IFT80: variants seen among roughly 807,000 people sequenced by gnomAD.
IFT80 encodes intraflagellar transport protein 80 homolog.
A neutral mutation model predicts 107.9 loss-of-function variants in IFT80; 79 were observed. The observed-to-expected ratio is 0.73, with a 90% CI of 0.61 to 0.88. The LOEUF is 0.88. Among genes scored for constraint, IFT80 ranks in the 40% least tolerant of loss-of-function variants. IFT80 has a pLI of 0.00. For synonymous variants in IFT80, 299 were observed against 300.9 expected, an observed-to-expected ratio of 0.99 and a Z score of 0.07; for missense variants, 797 against 914.2, an observed-to-expected ratio of 0.87 and a Z score of 1.65.
intron 6 of IFT80, among the ~76,000 whole-genome samples, chr3:160,365,758 G>C (rs1721819350): frequency 6.6e-6 from 1 of 151,986 alleles, no homozygotes; most frequent in African/African-American, 2.4e-5. Flanking sequence ...GTCATGTATA[G>C]GTAAGTGAGT....
At position 160,320,141 on chromosome 3, in the gene IFT80, A is replaced by G. The variant is rs1487709424; in HGVS notation, c.778-202T>C. On this transcript the variant is annotated intron_variant, in intron 8 of 19. Coordinates refer to ENST00000326448, the MANE Select transcript of IFT80 (RefSeq NM_020800.3). ...GAAGTCCACAGTAGAACATCATGCT[A>G]AAACAGTGTATGAAATATCTCAAGA... is the stretch of plus-strand genomic sequence containing the variant. 3 of 542,826 alleles carry G rather than the reference A, an allele frequency of 5.5e-6. No individual in the cohort carries two copies. The African/African-American group carries it at 5.7e-5, about 10-fold the overall frequency. 33.6% of individuals were successfully genotyped at this position (542,826 alleles called of 1,614,324 possible). A position where few individuals can be genotyped will look rare whatever the true frequency, so the allele number is the denominator to read the frequency against.
chr3:160,268,305 G>A, intron 19 of IFT80, 108 bp downstream of exon 19: 1 of 978,920 alleles, frequency 1.0e-6, no homozygotes, highest in Non-Finnish European at 1.6e-6. Context: ...TTCTTTTAGA[G>A]GTTAAAAGAT....
chr3:160,340,714 C>T (rs982797655), intron 8 of IFT80, among the ~76,000 whole-genome samples: 1 of 152,176 alleles, frequency 6.6e-6, no homozygotes. Context: ...AGGAAAAGTT[C>T]TCTGCTTTTA....
chr3:160,356,799 G>C (rs1299105256), intron 7 of IFT80, among the ~76,000 whole-genome samples: 2 of 152,114 alleles, frequency 1.3e-5, no homozygotes, highest in East Asian at 3.9e-4. Context: ...GGGGTTATAG[G>C]TATGAGCTAC....
chr3:160,282,851 T>C (rs1452756779), intron 13 of IFT80, among the ~76,000 whole-genome samples: 1 of 152,140 alleles, frequency 6.6e-6, no homozygotes, highest in South Asian at 2.1e-4. Flanking sequence ...TACAATAAAA[T>C]AATATGTATT....
rs868549131 is a variant in IFT80 at position 160,271,018 on chromosome 3, T to C, written c.2100-2482A>G. 6.0e-5 allele frequency among the ~76,000 whole-genome samples: 9 copies of C among 150,118 alleles called. No individual in the cohort carries two copies. In the South Asian group the frequency reaches 1.2e-3, roughly 21 times the overall value. Reference sequence around the variant, plus strand: ...TTAATTATGTAGAAAGAATAGAATATGATGTCTAATCCTGCATTTAGATGC... The same window carrying C: ...TTAATTATGTAGAAAGAATAGAATACGATGTCTAATCCTGCATTTAGATGC... On this transcript the variant is annotated intron_variant, in intron 18 of 19. Coordinates refer to ENST00000326448, the MANE Select transcript of IFT80 (RefSeq NM_020800.3).
At chr3:160,300,814 A>T in intron 12 of IFT80, 69 bp downstream of exon 12, 2 of 1,228,540 alleles carry the variant, frequency 1.6e-6, no homozygotes, top group East Asian at 2.4e-5. Context: ...AATGTAAGTT[A>T]ATTTGTGAAA....
chr3:160,341,380 T>C (rs1171673691), intron 8 of IFT80, among the ~76,000 whole-genome samples: 4 of 151,894 alleles, frequency 2.6e-5, no homozygotes, highest in African/African-American at 9.7e-5. Context: ...TTTGACCATG[T>C]GACCATGTTG....
At chr3:160,336,245 T>C (rs1719453311) in intron 8 of IFT80, among the ~76,000 whole-genome samples, 2 of 152,218 alleles carry the variant, frequency 1.3e-5, no homozygotes, top group South Asian at 4.1e-4. Context: ...GAGGGGTTAC[T>C]TTCTACTGGG....
intron 9 of IFT80, among the ~76,000 whole-genome samples, chr3:160,310,241 G>A (rs1717146006): frequency 6.6e-6 from 1 of 152,182 alleles, no homozygotes. Context: ...AAGCAACGAA[G>A]CTATTGAAAT....
intron 10 of IFT80, among the ~76,000 whole-genome samples, chr3:160,304,525 T>C (rs1716691194): frequency 6.6e-6 from 1 of 151,666 alleles, no homozygotes. Context: ...AAGCTCCTCT[T>C]CCCAGGTTCA....
At chr3:160,311,533 G>A (rs76654197) in intron 9 of IFT80, among the ~76,000 whole-genome samples, 5,142 of 152,158 alleles carry the variant, frequency 0.034, 250 homozygotes, top group African/African-American at 0.11. Context: ...CAAAGAAAAA[G>A]ACACGAATAT....
intron 1 of IFT80, among the ~76,000 whole-genome samples, chr3:160,389,285 T>C (rs956759640): frequency 2.0e-5 from 3 of 152,206 alleles, no homozygotes; most frequent in African/African-American, 4.8e-5. Flanking sequence ...CTTAGATTTA[T>C]ATAGAAAAAT....
At chr3:160,311,228 C>T (rs1365807818) in intron 9 of IFT80, among the ~76,000 whole-genome samples, 1 of 152,154 alleles carries the variant, frequency 6.6e-6, no homozygotes, top group Admixed American at 6.5e-5. Flanking sequence ...AACAGAATAA[C>T]CTGTTCCTTT....
At chr3:160,379,997 G>A (rs1292361527) in intron 3 of IFT80, among the ~76,000 whole-genome samples, 1 of 151,282 alleles carries the variant, frequency 6.6e-6, no homozygotes, top group Non-Finnish European at 1.5e-5. Context: ...GATGGCCTGA[G>A]GCTGGATACG....
At chr3:160,378,094 C>T (rs942837418) in intron 3 of IFT80, among the ~76,000 whole-genome samples, 3 of 152,206 alleles carry the variant, frequency 2.0e-5, no homozygotes, top group Middle Eastern at 3.4e-3. Context: ...TATGTACATA[C>T]TTCTGCAACT....
intron 3 of IFT80, among the ~76,000 whole-genome samples, chr3:160,380,737 A>G (rs908434593): frequency 6.6e-5 from 10 of 152,214 alleles, no homozygotes; most frequent in African/African-American, 2.2e-4. Context: ...TTATTCACCA[A>G]TAAGAAAGCT....
Position 160,307,783 on chromosome 3 carries a change from T to A in IFT80, c.958-2A>T, listed in dbSNP as rs1716932593. 5.6e-6 allele frequency: 8 copies of A among 1,424,428 alleles called. No individual in the cohort carries two copies. Among genetic ancestry groups the A allele is most frequent in the Non-Finnish European group, 7.9e-6 (8 of 1,008,084 alleles). The allele number at this position is 1,424,428 out of a possible 1,614,324, so 88.2% of individuals were successfully genotyped here. On this transcript the variant is annotated splice_acceptor_variant, in intron 9 of 19. Transcript: ENST00000326448. LOFTEE classifies it high-confidence loss of function. Reference sequence around the variant, plus strand: ...TGCATCATTAAGAACATTACGAACCTAAACAAGGAAAAATAAAATACCAAT... The same window carrying A: ...TGCATCATTAAGAACATTACGAACCAAAACAAGGAAAAATAAAATACCAAT...
intron 8 of IFT80, among the ~76,000 whole-genome samples, chr3:160,333,107 T>C (rs115420282): frequency 3.3e-5 from 5 of 152,318 alleles, no homozygotes; most frequent in African/African-American, 1.2e-4. Context: ...CACACAACGA[T>C]AGTAGTGTAC....
Sources: allele counts gnomAD v4.1 joint callset (sites outside exome capture counted in the v4.1 genomes callset), GRCh38; gene constraint gnomAD v4.1.1; transcripts MANE v1.5; gene names NCBI Gene and HGNC (gene_info 2026-07-23, HGNC 2026-07-21).